The following MAML2 variants were observed in gnomAD, a reference collection of about 807,000 sequenced individuals.
The protein encoded by MAML2 is mastermind-like protein 2.
MAML2 carries 22 observed loss-of-function variants against 96.1 expected under a neutral mutation model. The ratio of observed to expected loss-of-function variants is 0.23; its 90% CI spans 0.16 to 0.33. The LOEUF (loss-of-function observed/expected upper bound fraction) is 0.33, where lower values mean the gene tolerates loss of function less well. MAML2 is among the 10% of genes least tolerant of loss of function. MAML2 has a pLI of 1.00. For missense variants in MAML2, 1,367 were observed against 1,392.4 expected, an observed-to-expected ratio of 0.98 and a Z score of 0.29; for synonymous variants, 561 against 521.3, an observed-to-expected ratio of 1.08 and a Z score of -1.04.
At chr11:96,130,095 G>A (rs1860520991) in intron 1 of MAML2, among the ~76,000 whole-genome samples, 1 of 152,200 alleles carries the variant, frequency 6.6e-6, no homozygotes, top group South Asian at 2.1e-4. Context: ...CAGCTATGGA[G>A]ATATAAGCCT....
At chr11:96,184,986 A>G (rs1861551076) in intron 1 of MAML2, among the ~76,000 whole-genome samples, 1 of 152,194 alleles carries the variant, frequency 6.6e-6, no homozygotes, top group South Asian at 2.1e-4. Context: ...CAGAAGAACT[A>G]TCATAGGAAG....
intron 1 of MAML2, among the ~76,000 whole-genome samples, chr11:96,155,545 TATATATGA>T (rs1249021168): frequency 1.1e-4 from 12 of 112,528 alleles, no homozygotes; most frequent in African/African-American, 4.1e-4. Context: ...TATATATATA[TATATATGA>T]GGAAAGTCTC....
At chr11:96,003,617 T>C (rs769466190) in intron 2 of MAML2, among the ~76,000 whole-genome samples, 1 of 152,178 alleles carries the variant, frequency 6.6e-6, no homozygotes, top group African/African-American at 2.4e-5. Context: ...AATTCCAACT[T>C]TGGTTTTTTC....
intron 1 of MAML2, among the ~76,000 whole-genome samples, chr11:96,281,548 C>T (rs116896874): frequency 0.029 from 4,405 of 152,076 alleles, 79 homozygotes; most frequent in South Asian, 0.06. Context: ...TAGTTTTTTT[C>T]CCTGTTTGTC....
At chr11:95,983,395 G>A (rs1857773251) in intron 4 of MAML2, among the ~76,000 whole-genome samples, 1 of 152,168 alleles carries the variant, frequency 6.6e-6, no homozygotes. Flanking sequence ...GGTTTCTAGA[G>A]GTGGGGAGGA....
At chr11:96,094,902 T>A (rs1355241159) in intron 1 of MAML2, among the ~76,000 whole-genome samples, 1 of 152,240 alleles carries the variant, frequency 6.6e-6, no homozygotes, top group Non-Finnish European at 1.5e-5. Flanking sequence ...TGAAGATTTC[T>A]AGGTAGACTA....
At chr11:96,198,646 TAG>T (rs754214300) in intron 1 of MAML2, among the ~76,000 whole-genome samples, 1 of 151,918 alleles carries the variant, frequency 6.6e-6, no homozygotes, top group Non-Finnish European at 1.5e-5. Flanking sequence ...ACAGACAGAG[TAG>T]AGAGTCTGTC....
chr11:96,023,624 T>C (rs1858470404), intron 2 of MAML2, among the ~76,000 whole-genome samples: 1 of 152,046 alleles, frequency 6.6e-6, no homozygotes, highest in Admixed American at 6.5e-5. Context: ...TAGGAGGCTA[T>C]GGGGGAAATG....
At chr11:96,033,587 T>A (rs921071056) in intron 2 of MAML2, among the ~76,000 whole-genome samples, 6 of 152,202 alleles carry the variant, frequency 3.9e-5, no homozygotes, top group African/African-American at 1.4e-4. Context: ...AATTTTTGAA[T>A]AAATGGATTC....
At chr11:96,031,735 CA>C (rs1858618179) in intron 2 of MAML2, among the ~76,000 whole-genome samples, 1 of 152,112 alleles carries the variant, frequency 6.6e-6, no homozygotes, top group Non-Finnish European at 1.5e-5. Flanking sequence ...CCTGTAATCC[CA>C]GCACTTTGGG....
intron 1 of MAML2, among the ~76,000 whole-genome samples, chr11:96,230,979 T>C (rs763468156): frequency 6.6e-6 from 1 of 152,208 alleles, no homozygotes; most frequent in Non-Finnish European, 1.5e-5. Context: ...AATCAGGAAA[T>C]AGTGAAAGAT....
intron 2 of MAML2, among the ~76,000 whole-genome samples, chr11:96,049,425 T>C (rs1326432857): frequency 1.3e-5 from 2 of 152,194 alleles, no homozygotes; most frequent in African/African-American, 4.8e-5. Context: ...TAAAAGTAAT[T>C]TTTAAAGGAA....
intron 1 of MAML2, among the ~76,000 whole-genome samples, chr11:96,207,808 G>C (rs910178473): frequency 3.3e-5 from 5 of 152,166 alleles, no homozygotes; most frequent in East Asian, 1.9e-4. Context: ...CACTTTCAAG[G>C]CTTTACTGTT....
intron 1 of MAML2, among the ~76,000 whole-genome samples, chr11:96,193,943 G>A (rs1018735742): frequency 5.9e-5 from 9 of 152,168 alleles, no homozygotes; most frequent in African/African-American, 2.2e-4. Flanking sequence ...GTCTGCAGAG[G>A]GGAGAGTGCC....
intron 2 of MAML2, among the ~76,000 whole-genome samples, chr11:96,026,322 T>C (rs147424538): frequency 1.4e-3 from 210 of 152,206 alleles, no homozygotes; most frequent in African/African-American, 4.9e-3. Context: ...ATAAGGTGAG[T>C]TCATGAAACA....
chr11:96,081,140 G>A (rs760231566), intron 2 of MAML2, among the ~76,000 whole-genome samples: 4 of 152,058 alleles, frequency 2.6e-5, no homozygotes, highest in Non-Finnish European at 5.9e-5. Context: ...TGGGGAGGAG[G>A]ATAAGGGATG....
At chr11:96,151,487 C>T (rs1860920634) in intron 1 of MAML2, among the ~76,000 whole-genome samples, 1 of 152,208 alleles carries the variant, frequency 6.6e-6, no homozygotes, top group African/African-American at 2.4e-5. Flanking sequence ...TGTGTTCCCA[C>T]CCAAATCTCA....
chr11:96,258,187 CTGAAAG>C (rs1862695201), intron 1 of MAML2, among the ~76,000 whole-genome samples: 1 of 152,104 alleles, frequency 6.6e-6, no homozygotes, highest in African/African-American at 2.4e-5. Flanking sequence ...TTCATATTTA[CTGAAAG>C]TGAAACTTAT....
Position 95,978,364 on chromosome 11 carries a change from G to A in MAML2, c.*584C>T, listed in dbSNP as rs1857680598. 1 of 197,398 alleles carries A rather than the reference G, an allele frequency of 5.1e-6. No homozygotes were observed. The highest frequency in any genetic ancestry group is 6.1e-5 in the Admixed American group (1 of 16,462). 12.2% of individuals were successfully genotyped at this position (197,398 alleles called of 1,614,324 possible). A position where few individuals can be genotyped will look rare whatever the true frequency, so the allele number is the denominator to read the frequency against. On this transcript the variant is annotated 3_prime_UTR_variant, in exon 5 of 5. Transcript: ENST00000524717. ...AATTGTAAAAGTGAGGAGTGAATAT[G>A]GGGAAGAAATTCTGTAATCCACTGG...
Sources: gnomAD v4.1 joint callset for allele counts (sites outside exome capture counted in the v4.1 genomes callset) on GRCh38, gnomAD v4.1.1 for gene constraint, MANE v1.5 for transcripts, NCBI Gene and HGNC (gene_info 2026-07-23, HGNC 2026-07-21) for gene names.